UGP2: variants seen among roughly 807,000 people sequenced by gnomAD.
UGP2 encodes the protein UDP-glucose pyrophosphorylase 2.
In UGP2, 40 loss-of-function variants were observed where a neutral mutation model predicts 49.0. The ratio of observed to expected loss-of-function variants is 0.82; its 90% CI spans 0.63 to 1.06. UGP2 has a LOEUF of 1.06. Among genes scored for constraint, UGP2 ranks in the 50% least tolerant of loss-of-function variants. UGP2 has a pLI of 0.00. For missense variants in UGP2, 460 were observed against 603.5 expected (o/e 0.76, Z 2.49); for synonymous variants, 225 against 213.0 (o/e 1.06, Z -0.49).
chr2:63,872,936 C>T (rs1280165211), intron 3 of UGP2, among the ~76,000 whole-genome samples: 4 of 152,090 alleles, frequency 2.6e-5, no homozygotes, highest in African/African-American at 9.7e-5. Context: ...CACTTCTGGT[C>T]CTGCTGCAGA....
At chr2:63,870,167 C>T (rs1266211252) in intron 3 of UGP2, among the ~76,000 whole-genome samples, 1 of 152,216 alleles carries the variant, frequency 6.6e-6, no homozygotes, top group Admixed American at 6.5e-5. Context: ...TGTGATTCAC[C>T]TGACTCTGTC....
At chr2:63,866,158 C>G (rs577424604) in intron 3 of UGP2, among the ~76,000 whole-genome samples, 1 of 152,090 alleles carries the variant, frequency 6.6e-6, no homozygotes, top group Non-Finnish European at 1.5e-5. Context: ...AATGTCTAAG[C>G]TCTTGGTCCA....
At chr2:63,882,747 G>T (rs1233733091) in intron 4 of UGP2, 96 bp downstream of exon 4, 4 of 1,293,468 alleles carry the variant, frequency 3.1e-6, no homozygotes, top group Non-Finnish European at 4.1e-6. Context: ...GTGAATTTGA[G>T]CTAACCAAAG....
intron 1 of UGP2, among the ~76,000 whole-genome samples, chr2:63,847,420 C>T (rs1672006649): frequency 6.6e-6 from 1 of 152,138 alleles, no homozygotes. Context: ...AAGAAATATA[C>T]TGTAGTTTCC....
At position 63,885,766 on chromosome 2, in the gene UGP2, C is replaced by T. The variant is rs1444491208; in HGVS notation, c.753C>T (p.Asn251=). 1 of 1,613,710 alleles carries T rather than the reference C, an allele frequency of 6.2e-7. No homozygotes were observed. The highest frequency in any genetic ancestry group is 8.5e-7 in the Non-Finnish European group (1 of 1,179,944). ...GEGKEYIFVS[N]IDNLGATVDL... ...GCAAAGAGTATATTTTTGTGTCTAA[C>T]ATAGATAATCTGGGTGCCACAGTGG... The change falls in exon 6 of 10, where the codon AAC becomes AAT. Residue 251 remains asparagine (N), a synonymous_variant. Transcript: ENST00000337130.
At chr2:63,851,004 G>T (rs1374952279) in intron 1 of UGP2, among the ~76,000 whole-genome samples, 4 of 152,162 alleles carry the variant, frequency 2.6e-5, no homozygotes, top group Non-Finnish European at 4.4e-5. Context: ...AGAATTTACA[G>T]TCTGTTGGAT....
chr2:63,858,619 A>G (rs1420009857), intron 3 of UGP2, among the ~76,000 whole-genome samples: 1 of 151,890 alleles, frequency 6.6e-6, no homozygotes, highest in East Asian at 1.9e-4. Flanking sequence ...TCTTGGCTGT[A>G]ATGCTTAACA....
intron 3 of UGP2, among the ~76,000 whole-genome samples, chr2:63,865,575 G>C (rs899404995): frequency 7.7e-6 from 1 of 129,148 alleles, no homozygotes; most frequent in African/African-American, 2.9e-5. Context: ...GTCTCACTCT[G>C]TTGCCCAGGC....
intron 8 of UGP2, chr2:63,889,878 A>G (rs561596826): frequency 1.0e-5 from 5 of 482,306 alleles, no homozygotes; most frequent in South Asian, 1.0e-4. Context: ...TGCTTGGTGT[A>G]AAAACAATGT....
At chr2:63,887,054 T>C (rs1383741081) in intron 7 of UGP2, among the ~76,000 whole-genome samples, 2 of 152,088 alleles carry the variant, frequency 1.3e-5, no homozygotes, top group African/African-American at 2.4e-5. Flanking sequence ...GGCAGATCAC[T>C]TGAGGCCAGG....
At chr2:63,875,355 T>C (rs1474184139) in intron 3 of UGP2, among the ~76,000 whole-genome samples, 3 of 152,190 alleles carry the variant, frequency 2.0e-5, no homozygotes, top group African/African-American at 7.2e-5. Context: ...GCAGGTACTG[T>C]TAGCTTGCTT....
intron 6 of UGP2, 31 bp from the exon 7 acceptor site, chr2:63,886,310 T>G: frequency 1.2e-6 from 2 of 1,604,078 alleles, no homozygotes; most frequent in Non-Finnish European, 1.7e-6. Flanking sequence ...GAGACTGATG[T>G]GGAGGCACTC....
intron 3 of UGP2, among the ~76,000 whole-genome samples, chr2:63,863,241 C>T (rs763380763): frequency 3.9e-5 from 6 of 152,148 alleles, no homozygotes; most frequent in Non-Finnish European, 7.4e-5. Flanking sequence ...TATAAAAATT[C>T]TAGATACAGT....
chr2:63,886,488 A>G lies in UGP2; in HGVS notation c.1021A>G (p.Arg341Gly). The change falls in exon 7 of 10, where the codon AGA becomes GGA. Residue 341 changes from arginine (R) to glycine (G), a missense_variant. Physicochemically the swap from Arg to Gly is moderately radical, Grantham distance 125 (BLOSUM62 -2). Around this residue, in one of 2 missense-constraint regions of UGP2, gnomAD observed 317 missense variants for 473.0 expected, o/e 0.67. Transcript: ENST00000337130. The stretch of plus-strand genomic sequence containing the variant: ...ATGGATTTCTCTTGCAGCAGTTAAA[A>G]GACTGCAGGAGCAAAATGCCATTGA... ...NLWISLAAVKRLQEQNAIDME... is the reference protein window; with the variant it reads ...NLWISLAAVKGLQEQNAIDME... 1 of 1,614,208 alleles carries G rather than the reference A, an allele frequency of 6.2e-7. No individual in the cohort carries two copies. Among genetic ancestry groups the G allele is most frequent in the South Asian group, 1.1e-5 (1 of 91,090 alleles).
intron 3 of UGP2, among the ~76,000 whole-genome samples, chr2:63,873,684 A>G (rs768037356): frequency 2.4e-4 from 37 of 152,122 alleles, no homozygotes; most frequent in Non-Finnish European, 5.1e-4. Context: ...AGAGAACCCA[A>G]TGCTCCATGT....
intron 3 of UGP2, among the ~76,000 whole-genome samples, chr2:63,876,876 G>C (rs1291219070): frequency 2.6e-5 from 4 of 152,192 alleles, no homozygotes; most frequent in Non-Finnish European, 5.9e-5. Flanking sequence ...ACAGTATTCA[G>C]AATTACATTT....
chr2:63,866,303 C>G (rs1392575593), intron 3 of UGP2, among the ~76,000 whole-genome samples: 1 of 152,194 alleles, frequency 6.6e-6, no homozygotes, highest in East Asian at 1.9e-4. Context: ...TGAATGTAGA[C>G]TTATTTGTAA....
intron 3 of UGP2, among the ~76,000 whole-genome samples, chr2:63,881,467 T>C (rs909768207): frequency 2.6e-5 from 4 of 152,228 alleles, no homozygotes; most frequent in African/African-American, 9.6e-5. Flanking sequence ...ATGTGTTAGC[T>C]GTTGTACACC....
chr2:63,864,866 G>A (rs1460615683), intron 3 of UGP2, among the ~76,000 whole-genome samples: 1 of 152,166 alleles, frequency 6.6e-6, no homozygotes, highest in African/African-American at 2.4e-5. Context: ...GCTACTGTGT[G>A]ATAGGCACTG....
Sources: gnomAD v4.1 joint callset for allele counts (sites outside exome capture counted in the v4.1 genomes callset) on GRCh38, gnomAD v4.1.1 for gene constraint, gnomAD v4.1.1 regional missense constraint, MANE v1.5 for transcripts, NCBI Gene and HGNC (gene_info 2026-07-23, HGNC 2026-07-21) for gene names.